The following TBC1D1 variants were observed in gnomAD, a reference collection of about 807,000 sequenced individuals.
TBC1D1 encodes the protein TBC1 (tre-2/USP6, BUB2, cdc16) domain family, member 1.
A neutral mutation model predicts 125.6 loss-of-function variants in TBC1D1; 89 were observed. The ratio of observed to expected loss-of-function variants is 0.71; its 90% CI spans 0.60 to 0.85. The LOEUF (loss-of-function observed/expected upper bound fraction) is 0.85, where lower values mean the gene tolerates loss of function less well. TBC1D1 is among the 40% of genes least tolerant of loss of function. The pLI, the probability that TBC1D1 is intolerant of heterozygous loss-of-function variation, is 0.00. For synonymous variants in TBC1D1, 565 were observed against 564.1 expected, an observed-to-expected ratio of 1.00 and a Z score of -0.02; for missense variants, 1,377 against 1,469.2, an observed-to-expected ratio of 0.94 and a Z score of 1.03.
chr4:38,012,754 C>T (rs1410435752), intron 2 of TBC1D1, among the ~76,000 whole-genome samples: 1 of 152,126 alleles, frequency 6.6e-6, no homozygotes, highest in Non-Finnish European at 1.5e-5. Context: ...TATAACCAAG[C>T]AAATGCTCAG....
chr4:37,975,501 C>T (rs955041383), intron 2 of TBC1D1, among the ~76,000 whole-genome samples: 2 of 152,126 alleles, frequency 1.3e-5, no homozygotes, highest in Admixed American at 6.5e-5. Flanking sequence ...CTCTAAACTC[C>T]CCCGGGGAAA....
At chr4:38,135,100 G>A (rs1329618209) in intron 19 of TBC1D1, among the ~76,000 whole-genome samples, 3 of 152,130 alleles carry the variant, frequency 2.0e-5, no homozygotes, top group Non-Finnish European at 2.9e-5. Flanking sequence ...CCTCCTCCGT[G>A]TACACTTTTC....
intron 2 of TBC1D1, among the ~76,000 whole-genome samples, chr4:37,967,002 C>T (rs1731201243): frequency 6.6e-6 from 1 of 152,122 alleles, no homozygotes. Flanking sequence ...TAAGTTACAA[C>T]AAAGGAAAAA....
chr4:37,942,436 T>A (rs1420917505), intron 2 of TBC1D1, among the ~76,000 whole-genome samples: 1 of 152,120 alleles, frequency 6.6e-6, no homozygotes, highest in Non-Finnish European at 1.5e-5. Flanking sequence ...GTAAGATGGG[T>A]CTCCCGAGTA....
At chr4:37,923,245 G>A (rs1721396576) in intron 2 of TBC1D1, among the ~76,000 whole-genome samples, 1 of 152,118 alleles carries the variant, frequency 6.6e-6, no homozygotes, top group South Asian at 2.1e-4. Context: ...GAGCATGATG[G>A]TTTCCAGCTT....
At chr4:38,019,934 G>C (rs1027860600) in intron 4 of TBC1D1, among the ~76,000 whole-genome samples, 1 of 152,104 alleles carries the variant, frequency 6.6e-6, no homozygotes, top group African/African-American at 2.4e-5. Flanking sequence ...TATGTGCTTA[G>C]TTGTGTTTCT....
chr4:37,898,369 T>C (rs1384670090), intron 1 of TBC1D1, among the ~76,000 whole-genome samples: 1 of 152,176 alleles, frequency 6.6e-6, no homozygotes, highest in Non-Finnish European at 1.5e-5. Context: ...AAGACAAGGA[T>C]GGAGACTGTT....
intron 15 of TBC1D1, among the ~76,000 whole-genome samples, chr4:38,104,883 G>A (rs1286805444): frequency 6.6e-6 from 1 of 151,928 alleles, no homozygotes; most frequent in Non-Finnish European, 1.5e-5. Flanking sequence ...AGTCTCCCAA[G>A]TAGCTGGGAC....
At chr4:37,943,248 T>C (rs1246028945) in intron 2 of TBC1D1, among the ~76,000 whole-genome samples, 1 of 152,244 alleles carries the variant, frequency 6.6e-6, no homozygotes, top group African/African-American at 2.4e-5. Flanking sequence ...ACCCGACCTT[T>C]CTCTCTGGCT....
At chr4:37,921,260 G>A (rs1720920476) in intron 2 of TBC1D1, among the ~76,000 whole-genome samples, 1 of 151,668 alleles carries the variant, frequency 6.6e-6, no homozygotes, top group African/African-American at 2.4e-5. Context: ...GGAGTAATAG[G>A]GCATAGACGC....
At chr4:37,997,775 T>C (rs1738129541) in intron 2 of TBC1D1, among the ~76,000 whole-genome samples, 1 of 151,990 alleles carries the variant, frequency 6.6e-6, no homozygotes, top group Admixed American at 6.6e-5. Context: ...TCATATACAT[T>C]TACTTTTTTT....
At chr4:38,018,674 A>G (rs1743341623) in intron 4 of TBC1D1, among the ~76,000 whole-genome samples, 1 of 152,176 alleles carries the variant, frequency 6.6e-6, no homozygotes, top group African/African-American at 2.4e-5. Context: ...AAATAGATCT[A>G]CTTTTAATTT....
chr4:37,931,688 C>T (rs978406086), intron 2 of TBC1D1, among the ~76,000 whole-genome samples: 1 of 151,934 alleles, frequency 6.6e-6, no homozygotes, highest in Non-Finnish European at 1.5e-5. Context: ...ATCTTGGTCA[C>T]GCTGGTCTTG....
intron 2 of TBC1D1, among the ~76,000 whole-genome samples, chr4:37,988,720 A>G (rs1480173110): frequency 6.6e-6 from 1 of 152,180 alleles, no homozygotes; most frequent in Non-Finnish European, 1.5e-5. Context: ...ATCACCTGGC[A>G]CTCATTCAAA....
chr4:37,997,159 A>G (rs1369932761), intron 2 of TBC1D1, among the ~76,000 whole-genome samples: 3 of 152,240 alleles, frequency 2.0e-5, no homozygotes, highest in African/African-American at 7.2e-5. Context: ...GGTTTATCTA[A>G]ACTCAAGCTT....
intron 2 of TBC1D1, among the ~76,000 whole-genome samples, chr4:37,917,302 C>T (rs898178664): frequency 9.2e-5 from 14 of 151,534 alleles, no homozygotes; most frequent in African/African-American, 2.9e-4. Flanking sequence ...GGTGAAACCC[C>T]GTCTCTACTA....
intron 2 of TBC1D1, among the ~76,000 whole-genome samples, chr4:37,951,087 A>T (rs1356507849): frequency 1.3e-5 from 2 of 152,092 alleles, no homozygotes; most frequent in Non-Finnish European, 2.9e-5. Context: ...TAAATTATTT[A>T]TTGTGAGAAA....
At chr4:38,055,024 A>T (rs1186361474) in intron 12 of TBC1D1, 1 of 152,200 alleles carries the variant, frequency 6.6e-6, no homozygotes, top group African/African-American at 2.4e-5. Context: ...AAATTCCGCC[A>T]TGTTGCCTCT....
chr4:38,117,273 C>T (rs1041130241), intron 16 of TBC1D1, among the ~76,000 whole-genome samples: 2 of 151,828 alleles, frequency 1.3e-5, no homozygotes, highest in Non-Finnish European at 2.9e-5. Context: ...GGATTCTGAC[C>T]CTCTGTAGGT....
Sources: allele counts gnomAD v4.1 joint callset (sites outside exome capture counted in the v4.1 genomes callset), GRCh38; gene constraint gnomAD v4.1.1; transcripts MANE v1.5; gene names NCBI Gene and HGNC (gene_info 2026-07-23, HGNC 2026-07-21).